The following LTF variants were observed in gnomAD, a reference collection of about 807,000 sequenced individuals.
LTF encodes the protein epididymis luminal protein 110.
LTF carries 91 observed loss-of-function variants against 87.2 expected under a neutral mutation model. That is an observed-to-expected ratio of 1.04 (90% CI 0.88 to 1.24). The LOEUF (loss-of-function observed/expected upper bound fraction) is 1.24. Ranked by LOEUF, LTF falls within the 50% of genes most tolerant of loss-of-function variation. The pLI is 0.00. For synonymous variants in LTF, 378 were observed against 356.1 expected, an observed-to-expected ratio of 1.06 and a Z score of -0.69; for missense variants, 901 against 904.3, an observed-to-expected ratio of 1.00 and a Z score of 0.05.
rs372806384 is a variant in LTF, at chr3:46,456,387, G to T, written c.219C>A (p.Ala73=). The T allele has an allele frequency of 1.2e-6, 2 of 1,613,886 alleles. No homozygotes were observed. Among genetic ancestry groups the T allele is most frequent in the Non-Finnish European group, 1.7e-6 (2 of 1,179,942 alleles). ...AACCACCATCAAGGGTCACAGCATC[G>T]GCCCTGTTTTCCTGAAAGTAAAGAG... ...QCIQAIAENR[A]DAVTLDGGFI... is the part of the protein sequence containing the mutation. Residue 73 remains alanine (A), a synonymous_variant, in exon 3 of 17, where the codon GCC becomes GCA. Transcript: ENST00000231751.
intron 16 of LTF, 21 bp downstream of exon 16, chr3:46,437,919 T>G (rs569395804): frequency 1.2e-6 from 2 of 1,606,910 alleles, no homozygotes; most frequent in South Asian, 2.2e-5. Context: ...TTCTCGGGGA[T>G]GCTAGCTAGG....
At chr3:46,439,618 G>A in intron 14 of LTF, 138 bp from the exon 15 acceptor site, 1 of 666,176 alleles carries the variant, frequency 1.5e-6, no homozygotes, top group Non-Finnish European at 2.5e-6. Flanking sequence ...CAGAGAAGGA[G>A]CTTCATCCTA....
At chr3:46,463,118 A>G (rs1703126335) in intron 1 of LTF, among the ~76,000 whole-genome samples, 1 of 152,118 alleles carries the variant, frequency 6.6e-6, no homozygotes, top group South Asian at 2.1e-4. Flanking sequence ...GACCCCCTGA[A>G]GCAGGTCTAG....
chr3:46,437,242 T>C (rs979374374), intron 16 of LTF, among the ~76,000 whole-genome samples: 3 of 152,190 alleles, frequency 2.0e-5, no homozygotes, highest in African/African-American at 7.2e-5. Context: ...CTGGTTAAGA[T>C]GTGTTTTCCT....
At chr3:46,455,710 TC>T in intron 4 of LTF, 85 bp downstream of exon 4, 1 of 1,428,562 alleles carries the variant, frequency 7.0e-7, no homozygotes, top group African/African-American at 1.4e-5. Flanking sequence ...TCCCACACTT[TC>T]ACCTGCATGA....
chr3:46,435,966 T>C lies in LTF; in HGVS notation c.*229A>G. The C allele has an allele frequency of 1.8e-6, 1 of 569,114 alleles. No individual in the cohort carries two copies. Among genetic ancestry groups the C allele is most frequent in the Non-Finnish European group, 3.1e-6 (1 of 319,240 alleles). 35.3% of individuals were successfully genotyped at this position (569,114 alleles called of 1,614,324 possible). Reference sequence around the variant, plus strand: ...TACAGGTATTTTGTCAGGCATGTGATTTCAGTATAAAATTCTAGAAAAGAT... The same window carrying C: ...TACAGGTATTTTGTCAGGCATGTGACTTCAGTATAAAATTCTAGAAAAGAT... On this transcript the variant is annotated 3_prime_UTR_variant, in exon 17 of 17. Coordinates refer to ENST00000231751, the MANE Select transcript of LTF (RefSeq NM_002343.6).
intron 1 of LTF, among the ~76,000 whole-genome samples, chr3:46,483,581 G>A (rs565856749): frequency 2.0e-4 from 31 of 152,216 alleles, no homozygotes; most frequent in South Asian, 1.2e-3. Context: ...ATCAGTGCCC[G>A]TGAGGCCACA....
In LTF at chr3:46,448,955, G is replaced by A; in HGVS notation, c.1120C>T (p.Leu374=). ...VVWCAVGEQE[L]RKCNQWSGLS... is the part of the protein sequence containing the mutation. ...CCACTCCACTGGTTACACTTGCGCA[G>A]CTCCTGCTCGCCCACCGCACACCAC... Residue 374 remains leucine, a synonymous_variant, in exon 9 of 17, where the codon CTG becomes TTG. Transcript: ENST00000231751. The A allele has an allele frequency of 1.2e-6, 2 of 1,613,470 alleles. No individual in the cohort carries two copies. Among genetic ancestry groups the A allele is most frequent in the Non-Finnish European group, 8.5e-7 (1 of 1,179,882 alleles).
At chr3:46,466,941 C>G (rs556562773), upstream of LTF, among the ~76,000 whole-genome samples, 5 of 152,156 alleles carry the variant, frequency 3.3e-5, no homozygotes, top group African/African-American at 1.2e-4. Context: ...GGCCCTGGGC[C>G]CTCTTAAGTA....
chr3:46,470,862 C>T (rs141184268), intron 1 of LTF, among the ~76,000 whole-genome samples: 3 of 152,170 alleles, frequency 2.0e-5, no homozygotes, highest in African/African-American at 4.8e-5. Flanking sequence ...TAATATCCAC[C>T]GTATGAGGTG....
In LTF at chr3:46,459,821, TGG is replaced by T; in HGVS notation, c.44-4_44-3del. 6.5e-7 allele frequency: 1 copy of T among 1,534,220 alleles called. No homozygotes were observed. Among genetic ancestry groups the T allele is most frequent in the Non-Finnish European group, 8.7e-7 (1 of 1,146,640 alleles). ...TCCTACGGCCAGCCAGACACAGTCC[TGG>T]GAGAGAGGGGCCAAGGAGTAAGGAT... On this transcript the variant is annotated splice_polypyrimidine_tract_variant and splice_region_variant and intron_variant, in intron 1 of 16. Coordinates refer to ENST00000231751, the MANE Select transcript of LTF (RefSeq NM_002343.6).
At chr3:46,476,910 T>A (rs1311043924) in intron 1 of LTF, among the ~76,000 whole-genome samples, 2 of 152,260 alleles carry the variant, frequency 1.3e-5, no homozygotes, top group African/African-American at 4.8e-5. Context: ...TGTATGTGAG[T>A]GTACCAAAGT....
intron 1 of LTF, among the ~76,000 whole-genome samples, chr3:46,483,117 C>T (rs1280821363): frequency 3.3e-5 from 5 of 152,108 alleles, no homozygotes; most frequent in African/African-American, 1.2e-4. Context: ...GTATAACATT[C>T]CCACCATACA....
At chr3:46,467,593 G>C (rs1318737353), upstream of LTF, among the ~76,000 whole-genome samples, 1 of 150,754 alleles carries the variant, frequency 6.6e-6, no homozygotes, top group Non-Finnish European at 1.5e-5. Flanking sequence ...GACAACAAAA[G>C]TTCCCTCTGG....
At chr3:46,450,710 G>C (rs371691091) in intron 6 of LTF, 37 bp from the exon 7 acceptor site, 5 of 1,561,728 alleles carry the variant, frequency 3.2e-6, no homozygotes, top group Non-Finnish European at 4.4e-6. Context: ...GTCTAGATAA[G>C]CCGACTCCAG....
At chr3:46,459,560 A>G (rs1703023764) in intron 2 of LTF, 96 bp downstream of exon 2, 1 of 1,222,462 alleles carries the variant, frequency 8.2e-7, no homozygotes, top group Non-Finnish European at 1.1e-6. Flanking sequence ...CAACAGGTGA[A>G]GCAGAGGAAG....
intron 2 of LTF, among the ~76,000 whole-genome samples, chr3:46,457,617 T>C (rs1702969099): frequency 6.6e-6 from 1 of 152,230 alleles, no homozygotes; most frequent in Non-Finnish European, 1.5e-5. Flanking sequence ...ATCATTCTAT[T>C]AGCTGTTATT....
chr3:46,463,537 T>C, intron 1 of LTF: 1 of 985,492 alleles, frequency 1.0e-6, no homozygotes, highest in Non-Finnish European at 1.2e-6. Context: ...AGGGTTGCAA[T>C]GGCACTTTGG....
At chr3:46,437,717 A>G (rs1034383) in intron 16 of LTF, among the ~76,000 whole-genome samples, 99,698 of 152,118 alleles carry the variant, frequency 0.66, 33,381 homozygotes, top group African/African-American at 0.79. Flanking sequence ...TGACAGTGCC[A>G]TCACTATCCG....
Sources: gnomAD v4.1 joint callset for allele counts (sites outside exome capture counted in the v4.1 genomes callset) on GRCh38, gnomAD v4.1.1 for gene constraint, MANE v1.5 for transcripts, NCBI Gene and HGNC (gene_info 2026-07-23, HGNC 2026-07-21) for gene names.